Variants in CNBD1 observed in about 807,000 individuals in gnomAD.
CNBD1 encodes cyclic nucleotide-binding domain-containing protein 1.
A neutral mutation model predicts 54.4 loss-of-function variants in CNBD1; 71 were observed. The ratio of observed to expected loss-of-function variants is 1.30; its 90% CI spans 1.08 to 1.59. The LOEUF (loss-of-function observed/expected upper bound fraction) is 1.59. CNBD1 is among the 40% of genes most tolerant of loss of function. The probability of loss-of-function intolerance (pLI) is 0.00; values close to 1 mark genes in which losing one functional copy is unlikely to be tolerated. For synonymous variants in CNBD1, 182 were observed against 170.7 expected (o/e 1.07, Z -0.51); for missense variants, 659 against 518.0 (o/e 1.27, Z -2.64).
chr8:87,192,207 T>G (rs1268389691), intron 4 of CNBD1, among the ~76,000 whole-genome samples: 1 of 152,148 alleles, frequency 6.6e-6, no homozygotes, highest in African/African-American at 2.4e-5. Flanking sequence ...TTTTTCTAGA[T>G]TTGATGATGT....
At chr8:86,898,678 G>A (rs1808883558) in intron 2 of CNBD1, among the ~76,000 whole-genome samples, 1 of 151,994 alleles carries the variant, frequency 6.6e-6, no homozygotes, top group African/African-American at 2.4e-5. Flanking sequence ...ACTCAAAATG[G>A]ATCATAGACC....
intron 4 of CNBD1, among the ~76,000 whole-genome samples, chr8:87,200,024 G>T (rs865798174): frequency 1.3e-4 from 19 of 151,798 alleles, no homozygotes; most frequent in South Asian, 6.2e-4. Flanking sequence ...ACAGCTTTTT[G>T]TATGTCAGTC....
intron 4 of CNBD1, among the ~76,000 whole-genome samples, chr8:87,044,282 ATAAG>A (rs1810135917): frequency 6.6e-6 from 1 of 151,940 alleles, no homozygotes; most frequent in Non-Finnish European, 1.5e-5. Flanking sequence ...ATAATGTTAT[ATAAG>A]TGTCAGATTC....
At chr8:87,260,666 G>A (rs1808118747) in intron 6 of CNBD1, among the ~76,000 whole-genome samples, 1 of 151,946 alleles carries the variant, frequency 6.6e-6, no homozygotes, top group Non-Finnish European at 1.5e-5. Context: ...TTCTTTCCTT[G>A]AGCGGCCCTA....
intron 4 of CNBD1, among the ~76,000 whole-genome samples, chr8:87,203,001 G>T (rs561672003): frequency 8.5e-5 from 13 of 152,148 alleles, no homozygotes; most frequent in Non-Finnish European, 1.8e-4. Flanking sequence ...TTTGACCATG[G>T]GCTGAAACTC....
intron 8 of CNBD1, among the ~76,000 whole-genome samples, chr8:87,343,389 T>C (rs1057376286): frequency 6.6e-6 from 1 of 152,196 alleles, no homozygotes; most frequent in African/African-American, 2.4e-5. Flanking sequence ...ATTAAGTGAT[T>C]AAAGACAGGC....
intron 4 of CNBD1, among the ~76,000 whole-genome samples, chr8:87,096,470 G>A (rs1811323365): frequency 1.3e-5 from 2 of 150,684 alleles, no homozygotes; most frequent in African/African-American, 4.9e-5. Context: ...GTTGTTAAAA[G>A]TTTCAACCTG....
chr8:87,397,970 A>G (rs1446478393), intron 2 of CNBD1, among the ~76,000 whole-genome samples: 2 of 151,952 alleles, frequency 1.3e-5, no homozygotes, highest in Non-Finnish European at 2.9e-5. Flanking sequence ...CCCTTCTGCC[A>G]TGATTATGAG....
intron 10 of CNBD1, among the ~76,000 whole-genome samples, chr8:87,361,275 G>C (rs1586046046): frequency 6.6e-6 from 1 of 152,022 alleles, no homozygotes; most frequent in East Asian, 1.9e-4. Context: ...TTACAAAGTT[G>C]AGTGAAATGT....
chr8:86,876,938 G>T (rs1212047151), intron 1 of CNBD1, among the ~76,000 whole-genome samples: 1 of 151,770 alleles, frequency 6.6e-6, no homozygotes, highest in African/African-American at 2.4e-5. Context: ...AATTTTGATG[G>T]TATATAATCT....
At chr8:86,909,072 G>C (rs989073807) in intron 3 of CNBD1, among the ~76,000 whole-genome samples, 1 of 152,038 alleles carries the variant, frequency 6.6e-6, no homozygotes, top group Non-Finnish European at 1.5e-5. Context: ...TCTTTTTGAT[G>C]ATACTGTACA....
chr8:87,023,450 A>C (rs1180352953), intron 4 of CNBD1, among the ~76,000 whole-genome samples: 1 of 152,226 alleles, frequency 6.6e-6, no homozygotes, highest in Non-Finnish European at 1.5e-5. Flanking sequence ...TATCACATCC[A>C]AATAGTATTT....
intron 2 of CNBD1, among the ~76,000 whole-genome samples, chr8:87,401,920 G>A (rs1807573713): frequency 6.6e-6 from 1 of 151,958 alleles, no homozygotes; most frequent in Non-Finnish European, 1.5e-5. Context: ...GCTTAGGAGA[G>A]GACATGTGAC....
intron 10 of CNBD1, among the ~76,000 whole-genome samples, chr8:87,358,316 T>C (rs1405113510): frequency 6.6e-6 from 1 of 152,188 alleles, no homozygotes; most frequent in South Asian, 2.1e-4. Flanking sequence ...AAATCTGAAA[T>C]GACATTTGTT....
intron 4 of CNBD1, among the ~76,000 whole-genome samples, chr8:87,036,211 C>T (rs1243244877): frequency 6.6e-6 from 1 of 152,198 alleles, no homozygotes; most frequent in East Asian, 1.9e-4. Context: ...AATTCCAAGT[C>T]TTGATCCTTC....
intron 6 of CNBD1, among the ~76,000 whole-genome samples, chr8:87,238,790 T>A (rs1807632995): frequency 1.3e-5 from 2 of 152,140 alleles, no homozygotes; most frequent in Non-Finnish European, 2.9e-5. Flanking sequence ...AGATTTTCTT[T>A]ATGTGCTGCC....
chr8:86,935,310 A>G (rs1372729598), intron 3 of CNBD1, among the ~76,000 whole-genome samples: 1 of 152,196 alleles, frequency 6.6e-6, no homozygotes, highest in Non-Finnish European at 1.5e-5. Flanking sequence ...TGCTGGGATT[A>G]CAGGCATGAG....
intron 6 of CNBD1, 86 bp downstream of exon 6, chr8:87,237,198 A>G: frequency 2.8e-6 from 2 of 703,030 alleles, no homozygotes; most frequent in South Asian, 2.4e-5. Flanking sequence ...TTAAGATCCA[A>G]TATCTTTAGA....
chr8:87,336,146 A>T (rs1484431820), intron 8 of CNBD1, among the ~76,000 whole-genome samples: 1 of 151,940 alleles, frequency 6.6e-6, no homozygotes, highest in African/African-American at 2.4e-5. Context: ...ACTCATTTCA[A>T]CCTTGGAGAA....
Sources: allele counts gnomAD v4.1 joint callset (sites outside exome capture counted in the v4.1 genomes callset), GRCh38; gene constraint gnomAD v4.1.1; transcripts MANE v1.5; gene names NCBI Gene and HGNC (gene_info 2026-07-23, HGNC 2026-07-21).